Variants in GAB1 observed in about 807,000 individuals in gnomAD.
GAB1 encodes GRB2 associated binding protein 1, also known as GRB2-associated-binding protein 1.
GAB1 carries 19 observed loss-of-function variants against 66.5 expected under a neutral mutation model. That is an observed-to-expected ratio of 0.29 (90% CI 0.20 to 0.42). The LOEUF is 0.42. Among genes scored for constraint, GAB1 ranks in the 10% least tolerant of loss-of-function variants. The probability of loss-of-function intolerance (pLI) is 1.00; values close to 1 mark genes in which losing one functional copy is unlikely to be tolerated. For synonymous variants in GAB1, 294 were observed against 301.4 expected (o/e 0.98, Z 0.25); for missense variants, 732 against 858.5 (o/e 0.85, Z 1.84).
chr4:143,460,837 T>A (rs1251967611), intron 8 of GAB1, among the ~76,000 whole-genome samples: 1 of 152,106 alleles, frequency 6.6e-6, no homozygotes, highest in Non-Finnish European at 1.5e-5. Flanking sequence ...AGAAAAAAAT[T>A]AAGTTTTCAG....
chr4:143,437,904 C>T lies in GAB1; in HGVS notation c.594-95C>T, dbSNP rs1734015170. 12 of 1,184,916 alleles carry T rather than the reference C, an allele frequency of 1.0e-5. No homozygotes were observed. The South Asian group carries it at 1.8e-4, about 18-fold the overall frequency. 73.4% of individuals were successfully genotyped at this position (1,184,916 alleles called of 1,614,324 possible). A position where few individuals can be genotyped will look rare whatever the true frequency, so the allele number is the denominator to read the frequency against. ...CACACAAAAAATCTAATGAGAAAAG[C>T]CCTATCTTTTGATTGCTTAGCGATA... On this transcript the variant is annotated intron_variant, in intron 3 of 9. Transcript: ENST00000262994.
At chr4:143,464,021 G>C (rs1321398340) in intron 8 of GAB1, among the ~76,000 whole-genome samples, 1 of 152,116 alleles carries the variant, frequency 6.6e-6, no homozygotes, top group Admixed American at 6.5e-5. Context: ...TGGAGGGTAT[G>C]GGTCTTTCAT....
intron 1 of GAB1, chr4:143,349,532 C>T: frequency 5.3e-6 from 8 of 1,522,558 alleles, no homozygotes; most frequent in Non-Finnish European, 7.2e-6. Flanking sequence ...TTCTTAGGCA[C>T]AGGTGCGGAG....
chr4:143,396,177 C>T (rs990325088), intron 1 of GAB1, among the ~76,000 whole-genome samples: 2 of 152,130 alleles, frequency 1.3e-5, no homozygotes, highest in Admixed American at 1.3e-4. Flanking sequence ...GTGACCCTGA[C>T]TCTGGACAAG....
intron 2 of GAB1, among the ~76,000 whole-genome samples, chr4:143,431,942 G>T (rs375800562): frequency 1.4e-5 from 2 of 144,480 alleles, no homozygotes; most frequent in African/African-American, 5.1e-5. Context: ...TCTGAAAAAA[G>T]AAAAAAAAAA....
intron 2 of GAB1, among the ~76,000 whole-genome samples, chr4:143,419,959 A>G (rs891121883): frequency 6.6e-6 from 1 of 152,112 alleles, no homozygotes; most frequent in African/African-American, 2.4e-5. Context: ...TTTTTCAGCC[A>G]TTTAAGTTCT....
At chr4:143,453,675 C>T (rs1335360331) in intron 6 of GAB1, among the ~76,000 whole-genome samples, 1 of 152,086 alleles carries the variant, frequency 6.6e-6, no homozygotes, top group Non-Finnish European at 1.5e-5. Context: ...CAACGCAATA[C>T]AAATACTCTT....
chr4:143,457,519 A>G (rs1735255216), intron 6 of GAB1, among the ~76,000 whole-genome samples: 1 of 151,878 alleles, frequency 6.6e-6, no homozygotes, highest in African/African-American at 2.4e-5. Flanking sequence ...ATTTTATGTA[A>G]CAAGACTGAA....
chr4:143,427,160 G>C (rs1733403248), intron 2 of GAB1, among the ~76,000 whole-genome samples: 1 of 152,134 alleles, frequency 6.6e-6, no homozygotes, highest in Non-Finnish European at 1.5e-5. Flanking sequence ...CCATCACCCA[G>C]GATCTGAAAA....
chr4:143,419,612 TTA>T (rs2149724120), intron 2 of GAB1, among the ~76,000 whole-genome samples: 1 of 152,318 alleles, frequency 6.6e-6, no homozygotes, highest in East Asian at 1.9e-4. Context: ...CAAGTCATTT[TTA>T]TGTGTTCATT....
At chr4:143,425,946 G>A in intron 2 of GAB1, 1 of 912,058 alleles carries the variant, frequency 1.1e-6, no homozygotes, top group East Asian at 2.4e-5. Context: ...TCTTGCACGG[G>A]TTCTTAAGCA....
rs1733100683 is a variant in GAB1, at chr4:143,422,964, A to G, written c.367+7193A>G. The stretch of plus-strand genomic sequence containing the variant: ...AGCTTGATACCAGCATTACTTAGAA[A>G]GAGCAGTAAGTCAGAAACTCAAGGC... On this transcript the variant is annotated intron_variant, in intron 2 of 9. Transcript: ENST00000262994. Among the ~76,000 whole-genome samples the G allele has an allele frequency of 2.0e-5, 3 of 152,234 alleles. No homozygotes were observed. The South Asian group carries it at 6.2e-4, about 31-fold the overall frequency.
At chr4:143,435,655 A>T (rs1733903796) in intron 3 of GAB1, among the ~76,000 whole-genome samples, 1 of 152,220 alleles carries the variant, frequency 6.6e-6, no homozygotes, top group Admixed American at 6.5e-5. Flanking sequence ...GCCCAATATT[A>T]TGCTAGGTGC....
At chr4:143,349,631 T>G in intron 1 of GAB1, 1 of 1,468,090 alleles carries the variant, frequency 6.8e-7, no homozygotes, top group African/African-American at 1.4e-5. Context: ...GTGTGGGGCT[T>G]GCCGATCTTG....
chr4:143,408,297 A>T (rs949909587), intron 1 of GAB1, among the ~76,000 whole-genome samples: 4 of 152,252 alleles, frequency 2.6e-5, no homozygotes, highest in African/African-American at 9.6e-5. Context: ...TTAAAATTAT[A>T]AAAGCAATAA....
intron 1 of GAB1, among the ~76,000 whole-genome samples, chr4:143,348,727 C>T (rs932879590): frequency 1.3e-5 from 2 of 152,222 alleles, no homozygotes; most frequent in African/African-American, 4.8e-5. Context: ...GTGCCTCTGC[C>T]TCTTCCCTTG....
chr4:143,450,465 A>T (rs991191111), intron 6 of GAB1, among the ~76,000 whole-genome samples: 1 of 152,240 alleles, frequency 6.6e-6, no homozygotes, highest in Non-Finnish European at 1.5e-5. Context: ...GTAGTTACCT[A>T]TTAGAATAAT....
At chr4:143,431,166 A>G (rs1211352177) in intron 2 of GAB1, among the ~76,000 whole-genome samples, 3 of 152,164 alleles carry the variant, frequency 2.0e-5, no homozygotes, top group African/African-American at 4.8e-5. Flanking sequence ...TCATTTGCCA[A>G]CCTCCGGGTT....
At position 143,473,335 on chromosome 4, in the gene GAB1, C is replaced by G. The variant is rs1432118131; in HGVS notation, c.*4146C>G. 7 of 152,142 alleles carry G rather than the reference C, an allele frequency of 4.6e-5. No homozygotes were observed. Among genetic ancestry groups the G allele is most frequent in the African/African-American group, 1.7e-4 (7 of 41,430 alleles). 9.4% of individuals were successfully genotyped at this position (152,142 alleles called of 1,614,324 possible). A position where few individuals can be genotyped will look rare whatever the true frequency, so the allele number is the denominator to read the frequency against. Reference sequence around the variant, plus strand: ...AGACCTTAAATAGACAAGTTGGATACTAAGATTGTGAACTGATAAGGACAT... The same window carrying G: ...AGACCTTAAATAGACAAGTTGGATAGTAAGATTGTGAACTGATAAGGACAT... On this transcript the variant is annotated 3_prime_UTR_variant, in exon 10 of 10. Transcript: ENST00000262994.
Sources: allele counts gnomAD v4.1 joint callset (sites outside exome capture counted in the v4.1 genomes callset), GRCh38; gene constraint gnomAD v4.1.1; transcripts MANE v1.5; gene names NCBI Gene and HGNC (gene_info 2026-07-23, HGNC 2026-07-21).